The following MACROD2 variants were observed in gnomAD, a reference collection of about 807,000 sequenced individuals.
The protein encoded by MACROD2 is mono-ADP ribosylhydrolase 2.
In MACROD2, 36 loss-of-function variants were observed where a neutral mutation model predicts 70.4. The observed-to-expected ratio is 0.51, with a 90% CI of 0.39 to 0.68. MACROD2 has a LOEUF of 0.68. Among genes scored for constraint, MACROD2 ranks in the 30% least tolerant of loss-of-function variants. The probability of loss-of-function intolerance (pLI) is 0.00; values close to 1 mark genes in which losing one functional copy is unlikely to be tolerated. For synonymous variants in MACROD2, 172 were observed against 178.8 expected (o/e 0.96, Z 0.30); for missense variants, 496 against 538.4 (o/e 0.92, Z 0.78).
chr20:14,096,806 A>G (rs753570353), intron 3 of MACROD2, among the ~76,000 whole-genome samples: 3 of 152,190 alleles, frequency 2.0e-5, no homozygotes, highest in Admixed American at 6.5e-5. Flanking sequence ...AGAGAGGATA[A>G]CAGATGCATC....
rs992353595 is a variant in MACROD2 at position 15,958,593 on chromosome 20, G to C, written c.908-8960G>C. On this transcript the variant is annotated intron_variant, in intron 12 of 17. Transcript: ENST00000684519. ...TGATGTGCAGCAGGTATACTAATTT[G>C]AATGGCTGACATTCAAAGGGAAATA... Among the ~76,000 whole-genome samples, 18 of 152,124 alleles carry C rather than the reference G, an allele frequency of 1.2e-4. 1 individual carries two copies. The highest frequency in any genetic ancestry group is 1.5e-5 in the Non-Finnish European group (1 of 68,030).
intron 5 of MACROD2, among the ~76,000 whole-genome samples, chr20:15,119,529 A>G (rs189509335): frequency 1.6e-4 from 25 of 152,314 alleles, no homozygotes; most frequent in African/African-American, 4.6e-4. Context: ...CCTCACTTCA[A>G]TTCAACTGCA....
At chr20:15,548,800 T>TG (rs1423558284) in intron 8 of MACROD2, among the ~76,000 whole-genome samples, 3 of 152,150 alleles carry the variant, frequency 2.0e-5, no homozygotes, top group African/African-American at 7.2e-5. Flanking sequence ...TTACCTTCCT[T>TG]GGGGGAAGTC....
chr20:14,196,899 A>G (rs373276765), intron 3 of MACROD2, among the ~76,000 whole-genome samples: 17 of 152,386 alleles, frequency 1.1e-4, no homozygotes, highest in South Asian at 4.1e-4. Flanking sequence ...CATGGGTCCT[A>G]GGAAATGTAC....
chr20:14,720,074 G>A (rs2071447239), intron 5 of MACROD2, among the ~76,000 whole-genome samples: 1 of 151,980 alleles, frequency 6.6e-6, no homozygotes, highest in Non-Finnish European at 1.5e-5. Flanking sequence ...ATAAAACAGA[G>A]GATGCTGTGC....
chr20:15,767,328 G>GTA (rs375993630), intron 8 of MACROD2, among the ~76,000 whole-genome samples: 74 of 152,336 alleles, frequency 4.9e-4, no homozygotes, highest in African/African-American at 1.8e-3. Flanking sequence ...GCCTAAGGTT[G>GTA]TATAGTCTGT....
intron 6 of MACROD2, among the ~76,000 whole-genome samples, chr20:15,354,288 G>A (rs987992098): frequency 1.3e-5 from 2 of 152,074 alleles, no homozygotes; most frequent in Admixed American, 6.6e-5. Flanking sequence ...CTCTTAGGTG[G>A]GAATTGAACA....
intron 4 of MACROD2, among the ~76,000 whole-genome samples, chr20:14,621,124 A>G (rs1983801564): frequency 6.6e-6 from 1 of 152,124 alleles, no homozygotes; most frequent in African/African-American, 2.4e-5. Context: ...AAAAATGAGG[A>G]TAATAATACT....
At position 15,987,071 on chromosome 20, in the gene MACROD2, T is replaced by C. The variant is rs748972891; in HGVS notation, c.1066T>C (p.Ser356Pro). Reference protein sequence around the residue: ...QSSYMETEELSSNQEDAVIVE... With the variant: ...QSSYMETEELPSNQEDAVIVE... The stretch of plus-strand genomic sequence containing the variant: ...ATCTGTCTCATTCTATTTAGAACTT[T>C]CATCAAACCAAGAAGATGCCGTGAT... Residue 356 changes from serine (S) to proline (P), a missense_variant, in exon 15 of 18, where the codon TCA (serine) becomes CCA (proline). Physicochemically the swap from Ser to Pro is moderately conservative, Grantham distance 74. Coordinates refer to ENST00000684519, the MANE Select transcript of MACROD2 (RefSeq NM_001351661.2). 9 of 1,608,706 alleles carry C rather than the reference T, an allele frequency of 5.6e-6. No individual in the cohort carries two copies. The highest frequency in any genetic ancestry group is 3.3e-5 in the South Asian group (3 of 89,718).
chr20:14,748,896 C>G (rs2071833517), intron 5 of MACROD2, among the ~76,000 whole-genome samples: 1 of 152,038 alleles, frequency 6.6e-6, no homozygotes. Context: ...AAACCAGATG[C>G]CTCCATAGAA....
At chr20:15,427,052 G>T (rs935484633) in intron 6 of MACROD2, among the ~76,000 whole-genome samples, 2 of 152,058 alleles carry the variant, frequency 1.3e-5, no homozygotes, top group African/African-American at 2.4e-5. Flanking sequence ...AATAAAAAAT[G>T]ATTAATGGAG....
intron 6 of MACROD2, among the ~76,000 whole-genome samples, chr20:15,348,509 T>C (rs1037979959): frequency 3.9e-5 from 6 of 152,002 alleles, no homozygotes; most frequent in Admixed American, 3.9e-4. Context: ...AGAATATGAG[T>C]GTGTATATTA....
At chr20:14,753,628 G>GA (rs2071903497) in intron 5 of MACROD2, among the ~76,000 whole-genome samples, 1 of 151,980 alleles carries the variant, frequency 6.6e-6, no homozygotes, top group Non-Finnish European at 1.5e-5. Flanking sequence ...GTCATACGGA[G>GA]AAAAAACAGA....
intron 5 of MACROD2, among the ~76,000 whole-genome samples, chr20:15,077,741 A>G (rs1339379141): frequency 6.6e-6 from 1 of 152,158 alleles, no homozygotes; most frequent in African/African-American, 2.4e-5. Context: ...AGTTTCAGAT[A>G]TATAGATGCC....
intron 3 of MACROD2, among the ~76,000 whole-genome samples, chr20:14,131,101 A>T (rs899212868): frequency 1.3e-5 from 2 of 151,816 alleles, no homozygotes; most frequent in Non-Finnish European, 1.5e-5. Context: ...ATTTTAAAAA[A>T]TTTTTTAGTA....
intron 5 of MACROD2, among the ~76,000 whole-genome samples, chr20:15,172,201 G>T (rs1288835865): frequency 6.6e-6 from 1 of 152,156 alleles, no homozygotes; most frequent in Admixed American, 6.5e-5. Flanking sequence ...GTACAACAGT[G>T]GAGGAAGAGG....
At chr20:14,827,899 A>T (rs1568819475) in intron 5 of MACROD2, among the ~76,000 whole-genome samples, 1 of 152,074 alleles carries the variant, frequency 6.6e-6, no homozygotes, top group African/African-American at 2.4e-5. Flanking sequence ...AATATCTAAT[A>T]GTCTCATATG....
intron 3 of MACROD2, among the ~76,000 whole-genome samples, chr20:14,360,937 T>C (rs1045045933): frequency 6.6e-6 from 1 of 152,178 alleles, no homozygotes; most frequent in Non-Finnish European, 1.5e-5. Flanking sequence ...AGGGAAGATA[T>C]CTCACAGAAG....
intron 8 of MACROD2, among the ~76,000 whole-genome samples, chr20:15,573,102 C>CT (rs1330881381): frequency 6.6e-6 from 1 of 152,000 alleles, no homozygotes; most frequent in Non-Finnish European, 1.5e-5. Context: ...AATACCCCAC[C>CT]ATCCTAACAC....
Sources: allele counts gnomAD v4.1 joint callset (sites outside exome capture counted in the v4.1 genomes callset), GRCh38; gene constraint gnomAD v4.1.1; transcripts MANE v1.5; gene names NCBI Gene and HGNC (gene_info 2026-07-23, HGNC 2026-07-21).